The following GUCY1A2 variants were observed in gnomAD, a reference collection of about 807,000 sequenced individuals.
GUCY1A2 encodes guanylate cyclase 1 soluble subunit alpha 2, also known as guanylate cyclase soluble subunit alpha-2.
GUCY1A2 carries 27 observed loss-of-function variants against 63.5 expected under a neutral mutation model. The ratio of observed to expected loss-of-function variants is 0.43; its 90% CI spans 0.31 to 0.59. GUCY1A2 has a LOEUF of 0.59. Ranked by LOEUF, GUCY1A2 falls within the 20% of genes least tolerant of loss-of-function variation. GUCY1A2 has a pLI of 0.11. For missense variants in GUCY1A2, 768 were observed against 913.3 expected, an observed-to-expected ratio of 0.84 and a Z score of 2.05; for synonymous variants, 364 against 343.5, an observed-to-expected ratio of 1.06 and a Z score of -0.66.
chr11:106,781,525 G>C (rs148808455), intron 5 of GUCY1A2, among the ~76,000 whole-genome samples: 1,790 of 152,178 alleles, frequency 0.012, 34 homozygotes, highest in African/African-American at 0.041. Flanking sequence ...CAGAAATAAA[G>C]GTGGTGTAAA....
intron 3 of GUCY1A2, among the ~76,000 whole-genome samples, chr11:106,949,621 C>T (rs1251508077): frequency 6.6e-6 from 1 of 152,092 alleles, no homozygotes; most frequent in Non-Finnish European, 1.5e-5. Context: ...GTGATTACCC[C>T]CAGCCTAATA....
At chr11:106,954,928 C>T (rs1209765142) in intron 3 of GUCY1A2, among the ~76,000 whole-genome samples, 1 of 151,938 alleles carries the variant, frequency 6.6e-6, no homozygotes, top group African/African-American at 2.4e-5. Context: ...CTCCTGAATA[C>T]AGCACACAGA....
chr11:106,815,742 A>C (rs1858822061), intron 4 of GUCY1A2, among the ~76,000 whole-genome samples: 1 of 151,938 alleles, frequency 6.6e-6, no homozygotes, highest in Non-Finnish European at 1.5e-5. Flanking sequence ...GTGGCCTCAC[A>C]AGAGGAAGGC....
chr11:106,704,890 A>G (rs1399484090), intron 7 of GUCY1A2, among the ~76,000 whole-genome samples: 2 of 150,366 alleles, frequency 1.3e-5, no homozygotes, highest in Non-Finnish European at 3.0e-5. Context: ...TATATATGAT[A>G]TATATATTAT....
rs530369033 is a variant in GUCY1A2, at chr11:106,685,452, T to C, written c.*2097A>G. On this transcript the variant is annotated 3_prime_UTR_variant, in exon 8 of 8. Coordinates refer to ENST00000526355, the MANE Select transcript of GUCY1A2 (RefSeq NM_000855.3). ...AAATCTTTATAAAAAGTGAGAGAAA[T>C]AGATTGGATATTCCTGGAAGTCCCT... is the stretch of plus-strand genomic sequence containing the variant. 2.4e-4 allele frequency: 53 copies of C among 221,088 alleles called. No homozygotes were observed. Among genetic ancestry groups the C allele is most frequent in the African/African-American group, 9.2e-4 (41 of 44,766 alleles). The allele number at this position is 221,088 out of a possible 1,614,324, so 13.7% of individuals were successfully genotyped here.
At chr11:106,912,610 T>C (rs951003671) in intron 4 of GUCY1A2, among the ~76,000 whole-genome samples, 8 of 152,096 alleles carry the variant, frequency 5.3e-5, no homozygotes, top group African/African-American at 1.9e-4. Flanking sequence ...ACTGTGCAGT[T>C]CTCTATATTC....
chr11:106,921,891 C>T (rs1860449464), intron 4 of GUCY1A2, among the ~76,000 whole-genome samples: 1 of 152,162 alleles, frequency 6.6e-6, no homozygotes, highest in African/African-American at 2.4e-5. Context: ...TCTGGCACAA[C>T]ACAGTGACTA....
chr11:106,701,768 G>A (rs2135344091), intron 7 of GUCY1A2, among the ~76,000 whole-genome samples: 1 of 152,262 alleles, frequency 6.6e-6, no homozygotes, highest in South Asian at 2.1e-4. Flanking sequence ...AAAGCTAGAA[G>A]AGCAGAGTTT....
chr11:106,864,217 T>G (rs1010377222), intron 4 of GUCY1A2, among the ~76,000 whole-genome samples: 44 of 129,070 alleles, frequency 3.4e-4, no homozygotes, highest in East Asian at 1.4e-3. Flanking sequence ...AGTATAATAA[T>G]AATAAGAAGA....
chr11:106,920,075 CA>C, intron 4 of GUCY1A2, among the ~76,000 whole-genome samples: 1 of 152,016 alleles, frequency 6.6e-6, no homozygotes, highest in Non-Finnish European at 1.5e-5. Flanking sequence ...CATATAATTA[CA>C]TTTGTTATAA....
intron 4 of GUCY1A2, among the ~76,000 whole-genome samples, chr11:106,927,685 G>A (rs150850545): frequency 0.04 from 6,069 of 151,174 alleles, 652 homozygotes; most frequent in East Asian, 0.3. Flanking sequence ...CTGCCTCAAC[G>A]TCCTGAGTAG....
At chr11:106,985,161 G>C (rs1218023189) in intron 2 of GUCY1A2, among the ~76,000 whole-genome samples, 1 of 152,146 alleles carries the variant, frequency 6.6e-6, no homozygotes, top group Non-Finnish European at 1.5e-5. Context: ...ATGATCCTGA[G>C]AGCAGTTCAA....
chr11:106,983,212 G>A (rs1403609434), intron 2 of GUCY1A2, among the ~76,000 whole-genome samples: 2 of 152,174 alleles, frequency 1.3e-5, no homozygotes, highest in East Asian at 1.9e-4. Flanking sequence ...AGATGATGAC[G>A]ATAGTGGAGA....
At chr11:106,885,884 T>C (rs961799300) in intron 4 of GUCY1A2, among the ~76,000 whole-genome samples, 5 of 152,184 alleles carry the variant, frequency 3.3e-5, no homozygotes, top group African/African-American at 9.7e-5. Flanking sequence ...AAATGTGCGT[T>C]GATTGTACAT....
At chr11:106,832,849 T>A (rs1859069431) in intron 4 of GUCY1A2, among the ~76,000 whole-genome samples, 1 of 152,154 alleles carries the variant, frequency 6.6e-6, no homozygotes, top group South Asian at 2.1e-4. Flanking sequence ...TGAAAGCAGC[T>A]ATACAGTGGG....
At chr11:106,800,306 C>T (rs1310531223) in intron 5 of GUCY1A2, among the ~76,000 whole-genome samples, 18 of 152,178 alleles carry the variant, frequency 1.2e-4, no homozygotes, top group Admixed American at 1.2e-3. Flanking sequence ...TAAACTAGTT[C>T]AACCATCGTG....
chr11:106,729,058 G>T (rs1035072877), intron 6 of GUCY1A2, among the ~76,000 whole-genome samples: 1 of 152,132 alleles, frequency 6.6e-6, no homozygotes, highest in Non-Finnish European at 1.5e-5. Context: ...CATGTGCTAG[G>T]TATAGAGGAA....
In GUCY1A2 at chr11:106,687,385, G is replaced by C; in HGVS notation, c.*164C>G. The C allele has an allele frequency of 1.6e-6, 1 of 625,192 alleles. No homozygotes were observed. The highest frequency in any genetic ancestry group is 2.0e-5 in the South Asian group (1 of 51,228). 38.7% of individuals were successfully genotyped at this position (625,192 alleles called of 1,614,324 possible). A position where few individuals can be genotyped will look rare whatever the true frequency, so the allele number is the denominator to read the frequency against. ...ATCCTCCGGCTTTTTATTGACAGCG[G>C]TCACCTCCACCTTTTAGTAGGATTA... On this transcript the variant is annotated 3_prime_UTR_variant, in exon 8 of 8. Coordinates refer to ENST00000526355, the MANE Select transcript of GUCY1A2 (RefSeq NM_000855.3).
intron 6 of GUCY1A2, among the ~76,000 whole-genome samples, chr11:106,761,761 TGA>T (rs142462141): frequency 1.3e-5 from 2 of 152,278 alleles, no homozygotes; most frequent in African/African-American, 4.8e-5. Context: ...CTTAGAGCTC[TGA>T]TAAACTGTAT....
Sources: gnomAD v4.1 joint callset for allele counts (sites outside exome capture counted in the v4.1 genomes callset) on GRCh38, gnomAD v4.1.1 for gene constraint, MANE v1.5 for transcripts, NCBI Gene and HGNC (gene_info 2026-07-23, HGNC 2026-07-21) for gene names.